Variants in DOCK3 observed in about 807,000 individuals in gnomAD.
The protein encoded by DOCK3 is dedicator of cytokinesis protein 3.
DOCK3 carries 60 observed loss-of-function variants against 265.6 expected under a neutral mutation model. The observed-to-expected ratio is 0.23, with a 90% CI of 0.18 to 0.28. DOCK3 has a LOEUF of 0.28. DOCK3 is among the 10% of genes least tolerant of loss of function. DOCK3 has a pLI of 1.00. For synonymous variants in DOCK3, 881 were observed against 938.0 expected, an observed-to-expected ratio of 0.94 and a Z score of 1.11; for missense variants, 1,981 against 2,594.3, an observed-to-expected ratio of 0.76 and a Z score of 5.14.
At chr3:51,010,810 G>T (rs573868659) in intron 5 of DOCK3, among the ~76,000 whole-genome samples, 6 of 152,284 alleles carry the variant, frequency 3.9e-5, no homozygotes, top group Admixed American at 2.6e-4. Flanking sequence ...TGTAGGGCAG[G>T]CTTGGTGGTG....
intron 1 of DOCK3, among the ~76,000 whole-genome samples, chr3:50,725,464 G>C (rs539458302): frequency 6.6e-6 from 1 of 152,318 alleles, no homozygotes; most frequent in South Asian, 2.1e-4. Context: ...AAATGGAAGA[G>C]TAAGGAGCTT....
chr3:50,693,559 A>G (rs1455281216), intron 1 of DOCK3, among the ~76,000 whole-genome samples: 1 of 117,980 alleles, frequency 8.5e-6, no homozygotes, highest in East Asian at 2.6e-4. Context: ...TTTTTAAGAC[A>G]GAGTCTCACT....
intron 5 of DOCK3, among the ~76,000 whole-genome samples, chr3:50,935,779 G>A (rs2051326731): frequency 6.6e-6 from 1 of 152,170 alleles, no homozygotes; most frequent in African/African-American, 2.4e-5. Flanking sequence ...GCACTGCAGA[G>A]ATTTTTGTAA....
At chr3:51,357,171 C>T in intron 44 of DOCK3, 30 bp downstream of exon 44, 2 of 1,594,614 alleles carry the variant, frequency 1.3e-6, no homozygotes, top group South Asian at 1.1e-5. Flanking sequence ...CAAACCCATG[C>T]AGCCAGCCTG....
intron 5 of DOCK3, among the ~76,000 whole-genome samples, chr3:50,968,739 G>A (rs767531021): frequency 3.9e-5 from 6 of 152,004 alleles, no homozygotes; most frequent in Non-Finnish European, 7.4e-5. Context: ...TAGTAGAGAC[G>A]GGGTTTCACC....
At chr3:50,852,199 A>G (rs1191848065) in intron 3 of DOCK3, among the ~76,000 whole-genome samples, 1 of 152,138 alleles carries the variant, frequency 6.6e-6, no homozygotes, top group East Asian at 1.9e-4. Flanking sequence ...TTTCTTCACA[A>G]TTCTGGTGGA....
chr3:50,833,899 C>A (rs2045345535), intron 2 of DOCK3, among the ~76,000 whole-genome samples: 3 of 152,094 alleles, frequency 2.0e-5, no homozygotes, highest in Admixed American at 2.0e-4. Flanking sequence ...TAGAGAGAGA[C>A]AAATATGCTT....
intron 1 of DOCK3, among the ~76,000 whole-genome samples, chr3:50,727,927 T>C (rs1426462124): frequency 1.3e-5 from 2 of 152,130 alleles, no homozygotes; most frequent in East Asian, 3.8e-4. Flanking sequence ...TCAGTAAGGT[T>C]TTAGTAGATT....
Position 51,178,549 on chromosome 3 carries a change from G to T in DOCK3, c.1037+17847G>T, listed in dbSNP as rs932240158. 9.8e-5 allele frequency among the ~76,000 whole-genome samples: 15 copies of T among 152,316 alleles called. No individual in the cohort carries two copies. In the South Asian group the frequency reaches 1.9e-3, roughly 19 times the overall value. On this transcript the variant is annotated intron_variant, in intron 12 of 52. Transcript: ENST00000266037. ...CAGCTTTAACATACCCACCTTCTTAGCTGGGAAGAGAAAGCAGAGCCAGAG... is the reference window on the plus strand; with the variant it reads ...CAGCTTTAACATACCCACCTTCTTATCTGGGAAGAGAAAGCAGAGCCAGAG...
At chr3:50,917,852 T>C (rs1273187642) in intron 4 of DOCK3, among the ~76,000 whole-genome samples, 1 of 152,136 alleles carries the variant, frequency 6.6e-6, no homozygotes, top group Non-Finnish European at 1.5e-5. Flanking sequence ...GTTGGTGTGC[T>C]GCATCCATTA....
chr3:50,913,974 C>G (rs2049991154), intron 4 of DOCK3, among the ~76,000 whole-genome samples: 1 of 151,876 alleles, frequency 6.6e-6, no homozygotes, highest in African/African-American at 2.4e-5. Context: ...AATTGGTGTC[C>G]TTGTGTTGCG....
chr3:51,151,216 A>C (rs1213964590), intron 10 of DOCK3, among the ~76,000 whole-genome samples: 1 of 152,078 alleles, frequency 6.6e-6, no homozygotes, highest in Non-Finnish European at 1.5e-5. Flanking sequence ...TCTGCACATA[A>C]GATGGGTCTC....
intron 5 of DOCK3, among the ~76,000 whole-genome samples, chr3:50,957,484 T>A (rs1173105305): frequency 6.6e-6 from 1 of 152,226 alleles, no homozygotes; most frequent in Non-Finnish European, 1.5e-5. Flanking sequence ...GTTATTCTGC[T>A]AATCTATCAA....
At chr3:51,250,673 A>G (rs1294519727) in intron 22 of DOCK3, among the ~76,000 whole-genome samples, 1 of 152,144 alleles carries the variant, frequency 6.6e-6, no homozygotes, top group Non-Finnish European at 1.5e-5. Flanking sequence ...GAAATAAACA[A>G]GATTATGGAA....
chr3:51,288,903 G>GGTGT (rs146598674), intron 27 of DOCK3, among the ~76,000 whole-genome samples: 138 of 144,238 alleles, frequency 9.6e-4, no homozygotes, highest in African/African-American at 3.2e-3. Context: ...TGTGTGTGTG[G>GGTGT]GTGTGTGTGT....
At chr3:51,199,747 C>T (rs1262375425) in intron 12 of DOCK3, among the ~76,000 whole-genome samples, 5 of 152,248 alleles carry the variant, frequency 3.3e-5, no homozygotes, top group Admixed American at 1.3e-4. Flanking sequence ...TCAAGTGGGT[C>T]CCTGACCCCT....
intron 5 of DOCK3, among the ~76,000 whole-genome samples, chr3:50,951,163 A>ATT (rs1470397689): frequency 6.6e-6 from 1 of 152,192 alleles, no homozygotes; most frequent in Non-Finnish European, 1.5e-5. Context: ...ACCTTGTGAG[A>ATT]TGGGCATTGA....
rs371829460 is a variant in DOCK3 at position 51,362,530 on chromosome 3, G to C, written c.5149G>C (p.Ala1717Pro). 2 of 1,613,808 alleles carry C rather than the reference G, an allele frequency of 1.2e-6. No individual in the cohort carries two copies. Among genetic ancestry groups the C allele is most frequent in the African/African-American group, 2.7e-5 (2 of 74,910 alleles). The change falls in exon 49 of 53, where the codon GCG becomes CCG. Residue 1717 changes from alanine to proline, a missense_variant. Around this residue, in one of 4 missense-constraint regions of DOCK3, gnomAD observed 1,357 missense variants for 1,866.8 expected, o/e 0.73. Coordinates refer to ENST00000266037, the MANE Select transcript of DOCK3 (RefSeq NM_004947.5). ...PEDLYHHMQL[A>P]YPNPRYQGSV... is the part of the protein sequence containing the mutation. ...GCTGATTTTTCTCCCTTTGCAGCTCGCGTATCCCAACCCCAGGTACCAAGG... is the reference window on the plus strand; with the variant it reads ...GCTGATTTTTCTCCCTTTGCAGCTCCCGTATCCCAACCCCAGGTACCAAGG...
chr3:51,355,055 G>C, intron 41 of DOCK3, 32 bp downstream of exon 41: 1 of 1,605,292 alleles, frequency 6.2e-7, no homozygotes, highest in Non-Finnish European at 8.5e-7. Context: ...GAGGAGGAGG[G>C]CAGGGGCCCT....
Sources: gnomAD v4.1 joint callset for allele counts (sites outside exome capture counted in the v4.1 genomes callset) on GRCh38, gnomAD v4.1.1 for gene constraint, gnomAD v4.1.1 regional missense constraint, MANE v1.5 for transcripts, NCBI Gene and HGNC (gene_info 2026-07-23, HGNC 2026-07-21) for gene names.